Variants in ECEL1 observed in about 807,000 individuals in gnomAD.
The protein encoded by ECEL1 is endothelin converting enzyme like 1.
A neutral mutation model predicts 101.8 loss-of-function variants in ECEL1; 87 were observed. The observed-to-expected ratio is 0.85, with a 90% CI of 0.72 to 1.02. ECEL1 has a LOEUF of 1.02. Ranked by LOEUF, ECEL1 falls within the 50% of genes least tolerant of loss-of-function variation. The pLI, the probability that ECEL1 is intolerant of heterozygous loss-of-function variation, is 0.00. For missense variants in ECEL1, 1,032 were observed against 1,079.2 expected (o/e 0.96, Z 0.61); for synonymous variants, 487 against 468.7 (o/e 1.04, Z -0.50).
In ECEL1 at chr2:232,485,035, G is replaced by C; in HGVS notation, c.912C>G (p.Asp304Glu). 1 of 1,612,768 alleles carries C rather than the reference G, an allele frequency of 6.2e-7. No individual in the cohort carries two copies. Among genetic ancestry groups the C allele is most frequent in the Non-Finnish European group, 8.5e-7 (1 of 1,180,012 alleles). Reference sequence around the variant, plus strand: ...TCTCTTGGGCCTTCTGTTCCACAGCGTCTGCACCCAGGAGGCTGAGCACTC... The same window carrying C: ...TCTCTTGGGCCTTCTGTTCCACAGCCTCTGCACCCAGGAGGCTGAGCACTC... The part of the protein sequence containing the change: ...MERVLSLLGA[D>E]AVEQKAQEIL... The change falls in exon 4 of 18, where the codon GAC becomes GAG. Residue 304 changes from aspartate to glutamate, a missense_variant. Asp to Glu is a conservative substitution (Grantham distance 45). Coordinates refer to ENST00000304546, the MANE Select transcript of ECEL1 (RefSeq NM_004826.4).
At position 232,485,898 on chromosome 2, in the gene ECEL1, G is replaced by A. The variant is rs1466763226; in HGVS notation, c.756C>T (p.Asp252=). Reference sequence around the variant, plus strand: ...TGACGTAGCGCGAGGAGTTCCTGTCGTCCAGGCTGACCGTGAGCGAGAAGA... The same window carrying A: ...TGACGTAGCGCGAGGAGTTCCTGTCATCCAGGCTGACCGTGAGCGAGAAGA... The part of the protein sequence containing the change: ...AALFSLTVSL[D]DRNSSRYVIR... Residue 252 remains aspartate, a synonymous_variant, in exon 2 of 18, where the codon GAC becomes GAT. Coordinates refer to ENST00000304546, the MANE Select transcript of ECEL1 (RefSeq NM_004826.4). The A allele has an allele frequency of 6.4e-7, 1 of 1,566,608 alleles. No homozygotes were observed. The highest frequency in any genetic ancestry group is 8.6e-7 in the Non-Finnish European group (1 of 1,158,906).
intron 12 of ECEL1, 109 bp downstream of exon 12, chr2:232,482,309 G>T: frequency 6.8e-7 from 1 of 1,480,944 alleles, no homozygotes; most frequent in Non-Finnish European, 9.4e-7. Flanking sequence ...CCTGAACCCA[G>T]CTGGGTCTGG....
In ECEL1 at chr2:232,485,097, C is replaced by G; in HGVS notation, c.856-6G>C. The G allele has an allele frequency of 6.2e-7, 1 of 1,611,472 alleles. No individual in the cohort carries two copies. The highest frequency in any genetic ancestry group is 8.5e-7 in the Non-Finnish European group (1 of 1,179,966). On this transcript the variant is annotated splice_region_variant and splice_polypyrimidine_tract_variant and intron_variant, in intron 3 of 17. Coordinates refer to ENST00000304546, the MANE Select transcript of ECEL1 (RefSeq NM_004826.4). The stretch of plus-strand genomic sequence containing the variant: ...ACCCTGTATGCTGCCAGGATCTGCA[C>G]CAGGGGAGGGGGCTCACCCAGGGAC...
At chr2:232,487,645 C>A in intron 1 of ECEL1, 74 bp downstream of exon 1, 1 of 152,448 alleles carries the variant, frequency 6.6e-6, no homozygotes, top group South Asian at 1.8e-4. Context: ...CGGGAGGCTC[C>A]GCGCAGTGGC....
intron 14 of ECEL1, 86 bp downstream of exon 14, chr2:232,481,420 T>C: frequency 1.3e-6 from 2 of 1,526,406 alleles, no homozygotes; most frequent in Non-Finnish European, 1.8e-6. Context: ...TGTTTGGACA[T>C]GTGCACGTGC....
At chr2:232,485,752 C>T (rs989042492) in intron 2 of ECEL1, 116 bp downstream of exon 2, 18 of 1,338,640 alleles carry the variant, frequency 1.3e-5, no homozygotes, top group African/African-American at 2.9e-5. Flanking sequence ...CTCTCCTGCT[C>T]GTCTCTTCCC....
Position 232,481,774 on chromosome 2 carries a change from G to A in ECEL1, c.1864+8C>T. 1 of 1,612,644 alleles carries A rather than the reference G, an allele frequency of 6.2e-7. No individual in the cohort carries two copies. Among genetic ancestry groups the A allele is most frequent in the Non-Finnish European group, 8.5e-7 (1 of 1,179,518 alleles). On this transcript the variant is annotated splice_region_variant and intron_variant, in intron 13 of 17. Transcript: ENST00000304546. ...CGGGCCATCCCCTGGGGCCCCAACA[G>A]GCCTCACCCCAGTCGTCGTAGCCGT... is the stretch of plus-strand genomic sequence containing the variant.
At chr2:232,483,268 G>A (rs1010303742) in intron 8 of ECEL1, 89 bp from the exon 9 acceptor site, 8 of 1,567,742 alleles carry the variant, frequency 5.1e-6, no homozygotes, top group Non-Finnish European at 7.0e-6. Context: ...GGGAGCACTA[G>A]GCCAGCCTGG....
intron 7 of ECEL1, 26 bp downstream of exon 7, chr2:232,483,975 T>C (rs1431018664): frequency 6.3e-7 from 1 of 1,583,766 alleles, no homozygotes; most frequent in Non-Finnish European, 8.6e-7. Flanking sequence ...AGCACCATCC[T>C]CCTCTCTCAA....
chr2:232,482,807 C>G, intron 10 of ECEL1, 44 bp downstream of exon 10: 3 of 1,607,752 alleles, frequency 1.9e-6, no homozygotes, highest in Non-Finnish European at 2.6e-6. Flanking sequence ...CTGCCCTTTC[C>G]CCACAACCCT....
chr2:232,481,181 G>A lies in ECEL1; in HGVS notation c.1990-25C>T, dbSNP rs750288197. 3.2e-6 allele frequency: 5 copies of A among 1,552,666 alleles called. No homozygotes were observed. The East Asian group carries it at 9.7e-5, about 30-fold the overall frequency. On this transcript the variant is annotated intron_variant, in intron 14 of 17. Coordinates refer to ENST00000304546, the MANE Select transcript of ECEL1 (RefSeq NM_004826.4). ...CCTGCCGGGAAGGGAAGAGGCCAGGGGGCTGCTTGGGGCCCAGCTGGCCTC... is the reference window on the plus strand; with the variant it reads ...CCTGCCGGGAAGGGAAGAGGCCAGGAGGCTGCTTGGGGCCCAGCTGGCCTC...
chr2:232,484,078 G>A lies in ECEL1; in HGVS notation c.1330C>T (p.Gln444Ter). 1 of 1,613,808 alleles carries A rather than the reference G, an allele frequency of 6.2e-7. No individual in the cohort carries two copies. Among genetic ancestry groups the A allele is most frequent in the African/African-American group, 1.3e-5 (1 of 75,072 alleles). Residue 444 changes from glutamine (Q) to a stop codon, truncating the protein, a stop_gained, in exon 7 of 18, where the codon CAG (glutamine) becomes TAG (stop). Coordinates refer to ENST00000304546, the MANE Select transcript of ECEL1 (RefSeq NM_004826.4). LOFTEE classifies it high-confidence loss of function. Reference protein sequence around the residue: ...PQELARVCLGQANRHFGMALG... With the variant: ...PQELARVCLG Reference sequence around the variant, plus strand: ...GCCATGCCAAAGTGGCGATTGGCCTGGCCCAAGCAGACCCGGGCCAGCTCC... The same window carrying A: ...GCCATGCCAAAGTGGCGATTGGCCTAGCCCAAGCAGACCCGGGCCAGCTCC...
chr2:232,481,977 GCGGTCC>G, intron 12 of ECEL1, 128 bp from the exon 13 acceptor site: 1 of 1,222,324 alleles, frequency 8.2e-7, no homozygotes, highest in South Asian at 1.4e-5. Flanking sequence ...AGGCATCCGT[GCGGTCC>G]AGGGGCACAT....
At chr2:232,482,748 TG>T (rs1192394454) in intron 10 of ECEL1, 102 bp downstream of exon 10, 9 of 1,511,320 alleles carry the variant, frequency 6.0e-6, no homozygotes, top group Non-Finnish European at 7.3e-6. Context: ...TGCTGGCGTG[TG>T]TGCCCCCCAT....
At chr2:232,482,769 G>T in intron 10 of ECEL1, 82 bp downstream of exon 10, 2 of 1,558,294 alleles carry the variant, frequency 1.3e-6, no homozygotes, top group Non-Finnish European at 8.8e-7. Context: ...TATCTGCATG[G>T]CTGTGAGACG....
At chr2:232,482,217 G>A (rs1223364012) in intron 12 of ECEL1, among the ~76,000 whole-genome samples, 2 of 152,268 alleles carry the variant, frequency 1.3e-5, no homozygotes, top group Admixed American at 6.5e-5. Flanking sequence ...AAGACCCCAG[G>A]AAGTTACAAA....
In ECEL1 at chr2:232,486,159, C is replaced by T; in HGVS notation, c.495G>A (p.Leu165=). Residue 165 remains leucine (L), a synonymous_variant, in exon 2 of 18, where the codon CTG becomes CTA. Transcript: ENST00000304546. ...EQNEERLRRL[L]ARPGGGPGGA... ...CGCCAGGCCCACCCCCGGGCCGCGC[C>T]AGCAGGCGCCGTAGGCGCTCCTCGT... is the stretch of plus-strand genomic sequence containing the variant. The T allele has an allele frequency of 2.5e-6, 4 of 1,573,630 alleles. No homozygotes were observed. The highest frequency in any genetic ancestry group is 3.4e-6 in the Non-Finnish European group (4 of 1,165,360).
At position 232,486,746 on chromosome 2, in the gene ECEL1, G is replaced by C. The variant is rs1690741159; in HGVS notation, c.-93C>G. The C allele has an allele frequency of 7.8e-7, 1 of 1,286,896 alleles. No homozygotes were observed. The highest frequency in any genetic ancestry group is 9.9e-7 in the Non-Finnish European group (1 of 1,007,116). The allele number at this position is 1,286,896 out of a possible 1,614,324, so 79.7% of individuals were successfully genotyped here. A position where few individuals can be genotyped will look rare whatever the true frequency, so the allele number is the denominator to read the frequency against. ...CCTCGTGGGCCTCCGCATGGCCCTG[G>C]GGCCGCAGCTGCGGGAAGGGCGGAA... On this transcript the variant is annotated 5_prime_UTR_variant, in exon 2 of 18. Coordinates refer to ENST00000304546, the MANE Select transcript of ECEL1 (RefSeq NM_004826.4).
rs1038208777 is a variant in ECEL1, at chr2:232,487,769, CG to C, written c.-153del. The C allele has an allele frequency of 3.3e-5, 5 of 150,140 alleles. No homozygotes were observed. The highest frequency in any genetic ancestry group is 6.6e-5 in the Admixed American group (1 of 15,098). The allele number at this position is 150,140 out of a possible 1,614,324, so 9.3% of individuals were successfully genotyped here. On this transcript the variant is annotated 5_prime_UTR_variant, in exon 1 of 18. Transcript: ENST00000304546. Reference sequence around the variant, plus strand: ...GGTGACCGAGCGGGTCGGGCCCGAGCGGGGGCCTGAGCCGCAGCGCAGCCGA... The same window carrying C: ...GGTGACCGAGCGGGTCGGGCCCGAGCGGGGCCTGAGCCGCAGCGCAGCCGA...
Sources: gnomAD v4.1 joint callset for allele counts (sites outside exome capture counted in the v4.1 genomes callset) on GRCh38, gnomAD v4.1.1 for gene constraint, MANE v1.5 for transcripts, NCBI Gene and HGNC (gene_info 2026-07-23, HGNC 2026-07-21) for gene names.